The following S100B variants were observed in gnomAD, a reference collection of about 807,000 sequenced individuals.
S100B encodes S100 calcium binding protein B, also known as protein S100-B.
Under a neutral mutation model 7.7 loss-of-function variants are expected in S100B, and 6 were observed. The observed-to-expected ratio is 0.78, with a 90% confidence interval of 0.43 to 1.54. The LOEUF (loss-of-function observed/expected upper bound fraction) is 1.54, where lower values mean the gene tolerates loss of function less well. Ranked by LOEUF, S100B falls within the 40% of genes most tolerant of loss-of-function variation. S100B has a pLI of 0.01. For synonymous variants in S100B, 36 were observed against 40.4 expected (o/e 0.89, Z 0.41); for missense variants, 99 against 111.8 (o/e 0.89, Z 0.52).
At chr21:46,600,855 G>T (rs532726448) in intron 2 of S100B, among the ~76,000 whole-genome samples, 1 of 152,246 alleles carries the variant, frequency 6.6e-6, no homozygotes, top group Non-Finnish European at 1.5e-5. Context: ...GCACTGTCCC[G>T]CTTCACCCTC....
At chr21:46,601,378 G>GA (rs2061040952) in intron 2 of S100B, among the ~76,000 whole-genome samples, 1 of 152,146 alleles carries the variant, frequency 6.6e-6, no homozygotes, top group Non-Finnish European at 1.5e-5. Flanking sequence ...CACACCACTG[G>GA]TGCTTCACTC....
At chr21:46,603,804 A>G (rs760112537) in intron 1 of S100B, among the ~76,000 whole-genome samples, 1 of 152,232 alleles carries the variant, frequency 6.6e-6, no homozygotes, top group Non-Finnish European at 1.5e-5. Flanking sequence ...TGCTAAAGTC[A>G]TTCTATTAAT....
At position 46,602,389 on chromosome 21, in the gene S100B, C is replaced by T; in HGVS notation, c.27G>A (p.Val9=). Residue 9 remains valine (V), a synonymous_variant, in exon 2 of 3, where the codon GTG becomes GTA. Coordinates refer to ENST00000291700, the MANE Select transcript of S100B (RefSeq NM_006272.3). ...ATTGGTGGAAAACGTCGATGAGGGC[C>T]ACCATGGCCTTCTCCAGCTCAGACA... MSELEKAM[V]ALIDVFHQYS... is the part of the protein sequence containing the mutation. 1 of 1,614,106 alleles carries T rather than the reference C, an allele frequency of 6.2e-7. No homozygotes were observed. Among genetic ancestry groups the T allele is most frequent in the Non-Finnish European group, 8.5e-7 (1 of 1,180,010 alleles).
At chr21:46,601,041 G>A (rs1170092098) in intron 2 of S100B, among the ~76,000 whole-genome samples, 1 of 152,166 alleles carries the variant, frequency 6.6e-6, no homozygotes, top group Non-Finnish European at 1.5e-5. Context: ...AAAGTTTCAG[G>A]CCTGTCTGCT....
Position 46,599,165 on chromosome 21 carries a change from T to G in S100B, c.*198A>C, listed in dbSNP as rs766118468. On this transcript the variant is annotated 3_prime_UTR_variant, in exon 3 of 3. Transcript: ENST00000291700. ...AGTCAGCTTACACACAGGCCTAATATAGCAGAAAGAATGATGCAGGCCGTT... is the reference window on the plus strand; with the variant it reads ...AGTCAGCTTACACACAGGCCTAATAGAGCAGAAAGAATGATGCAGGCCGTT... The G allele has an allele frequency of 6.7e-6, 4 of 599,118 alleles. No homozygotes were observed. The highest frequency in any genetic ancestry group is 3.7e-5 in the African/African-American group (2 of 53,794). The allele number at this position is 599,118 out of a possible 1,614,324, so 37.1% of individuals were successfully genotyped here. A position where few individuals can be genotyped will look rare whatever the true frequency, so the allele number is the denominator to read the frequency against.
At position 46,599,715 on chromosome 21, in the gene S100B, G is replaced by GA. The variant is rs548190099; in HGVS notation, c.139-213dup. Among the ~76,000 whole-genome samples the GA allele has an allele frequency of 2.0e-3, 301 of 152,028 alleles. 3 individuals carry two copies. Among genetic ancestry groups the GA allele is most frequent in the Middle Eastern group, 6.8e-3 (2 of 294 alleles). ...GTCAGTGTCTGGCCCTGAGCTACTG[G>GA]AAAAGGCTGAATGGAACAGCCAAGA... On this transcript the variant is annotated intron_variant, in intron 2 of 2. Transcript: ENST00000291700.
chr21:46,598,812 C>A lies in S100B; in HGVS notation c.*551G>T, dbSNP rs1424469446. 2 of 152,542 alleles carry A rather than the reference C, an allele frequency of 1.3e-5. No individual in the cohort carries two copies. The highest frequency in any genetic ancestry group is 2.1e-4 in the South Asian group (1 of 4,846). 9.4% of individuals were successfully genotyped at this position (152,542 alleles called of 1,614,324 possible). ...CTGATGGAGTTGCTTTTTCCAGGAG[C>A]GCTGCCAGCGCTGAGCGTTCACCTG... On this transcript the variant is annotated 3_prime_UTR_variant, in exon 3 of 3. Transcript: ENST00000291700.
chr21:46,603,392 A>AGGGAGGGGCGGGG (rs1555923729), intron 1 of S100B, among the ~76,000 whole-genome samples: 1 of 38,206 alleles, frequency 2.6e-5, no homozygotes, highest in Non-Finnish European at 4.9e-5. Flanking sequence ...GGACGGCGGG[A>AGGGAGGGGCGGGG]GGGGGTGGGG....
chr21:46,599,000 T>G lies in S100B; in HGVS notation c.*363A>C. ...TTTGTTTTTTAAAGGTAGTGGAAGT[T>G]TTAAGGGTGCCCCGGGGTAATTTCT... is the stretch of plus-strand genomic sequence containing the variant. On this transcript the variant is annotated 3_prime_UTR_variant, in exon 3 of 3. Transcript: ENST00000291700. 4.5e-6 allele frequency: 1 copy of G among 221,940 alleles called. No individual in the cohort carries two copies. The highest frequency in any genetic ancestry group is 5.6e-5 in the Admixed American group (1 of 18,004). The allele number at this position is 221,940 out of a possible 1,614,324, so 13.7% of individuals were successfully genotyped here. A position where few individuals can be genotyped will look rare whatever the true frequency, so the allele number is the denominator to read the frequency against.
In S100B at chr21:46,601,965, T is replaced by C. The variant is rs181407331; in HGVS notation, c.138+313A>G. Among the ~76,000 whole-genome samples the C allele has an allele frequency of 7.9e-5, 12 of 152,384 alleles. No individual in the cohort carries two copies. In the East Asian group the frequency reaches 1.9e-3, roughly 24 times the overall value. ...TAAAAACATTCCCAAAGCTTATTTTTAACAGTTTCCTTTTATGTTCCCTTT... is the reference window on the plus strand; with the variant it reads ...TAAAAACATTCCCAAAGCTTATTTTCAACAGTTTCCTTTTATGTTCCCTTT... On this transcript the variant is annotated intron_variant, in intron 2 of 2. Transcript: ENST00000291700.
At chr21:46,604,873 A>G (rs1215006743) in intron 1 of S100B, 140 bp downstream of exon 1, 4 of 152,228 alleles carry the variant, frequency 2.6e-5, no homozygotes, top group African/African-American at 9.7e-5. Flanking sequence ...ACATCATCCT[A>G]TTGACACTTC....
Position 46,599,136 on chromosome 21 carries a change from G to T in S100B, c.*227C>A. 1 of 550,684 alleles carries T rather than the reference G, an allele frequency of 1.8e-6. No individual in the cohort carries two copies. The highest frequency in any genetic ancestry group is 3.2e-6 in the Non-Finnish European group (1 of 314,162). The allele number at this position is 550,684 out of a possible 1,614,324, so 34.1% of individuals were successfully genotyped here. On this transcript the variant is annotated 3_prime_UTR_variant, in exon 3 of 3. Transcript: ENST00000291700. ...AGTTACTGTTAACAAGAGTCCCTGG[G>T]GCCAGTCAGCTTACACACAGGCCTA...
At chr21:46,603,398 T>TGGGGGGAGGGGGGGGGCGGGGGGGGGG in intron 1 of S100B, among the ~76,000 whole-genome samples, 1 of 52,072 alleles carries the variant, frequency 1.9e-5, no homozygotes, top group Non-Finnish European at 3.8e-5. Context: ...CGGGAGGGGG[T>TGGGGGGAGGGGGGGGGCGGGGGGGGGG]GGGGGCAGGA....
intron 2 of S100B, among the ~76,000 whole-genome samples, chr21:46,599,867 C>G (rs2061036750): frequency 6.6e-6 from 1 of 152,062 alleles, no homozygotes; most frequent in Non-Finnish European, 1.5e-5. Context: ...TTCGTGTGTT[C>G]TGTGTGTGGA....
chr21:46,603,392 A>AGGGGCGGGGGG (rs1555923730), intron 1 of S100B, among the ~76,000 whole-genome samples: 1 of 38,206 alleles, frequency 2.6e-5, no homozygotes, highest in Admixed American at 3.4e-4. Flanking sequence ...GGACGGCGGG[A>AGGGGCGGGGGG]GGGGGTGGGG....
chr21:46,603,396 G>GGACGGCGGGA (rs2061047937), intron 1 of S100B, among the ~76,000 whole-genome samples: 1 of 139,260 alleles, frequency 7.2e-6, no homozygotes, highest in African/African-American at 2.7e-5. Flanking sequence ...GGCGGGAGGG[G>GGACGGCGGGA]GTGGGGGCAG....
At position 46,601,289 on chromosome 21, in the gene S100B, C is replaced by T. The variant is rs141922497; in HGVS notation, c.138+989G>A. On this transcript the variant is annotated intron_variant, in intron 2 of 2. Coordinates refer to ENST00000291700, the MANE Select transcript of S100B (RefSeq NM_006272.3). The stretch of plus-strand genomic sequence containing the variant: ...GCTTGGTGAGACACTAGTGCGCTGG[C>T]TCATTGTCTGGTCATTTATCCCGTT... Among the ~76,000 whole-genome samples, 385 of 152,318 alleles carry T rather than the reference C, an allele frequency of 2.5e-3. 2 individuals are homozygous for T. The highest frequency in any genetic ancestry group is 6.8e-3 in the Middle Eastern group (2 of 294).
chr21:46,603,392 A>AGGGGGTGGGGGGAGG (rs796474856), intron 1 of S100B, among the ~76,000 whole-genome samples: 1 of 38,206 alleles, frequency 2.6e-5, no homozygotes, highest in Non-Finnish European at 4.9e-5. Context: ...GGACGGCGGG[A>AGGGGGTGGGGGGAGG]GGGGGTGGGG....
chr21:46,603,392 A>AGGGGGTGGGGGGCGGGGGGGGCGGGGG (rs796474856), intron 1 of S100B, among the ~76,000 whole-genome samples: 1 of 38,230 alleles, frequency 2.6e-5, no homozygotes, highest in South Asian at 1.5e-3. Flanking sequence ...GGACGGCGGG[A>AGGGGGTGGGGGGCGGGGGGGGCGGGGG]GGGGGTGGGG....
Sources: gnomAD v4.1 joint callset for allele counts (sites outside exome capture counted in the v4.1 genomes callset) on GRCh38, gnomAD v4.1.1 for gene constraint, MANE v1.5 for transcripts, NCBI Gene and HGNC (gene_info 2026-07-23, HGNC 2026-07-21) for gene names.